The following ZNF536 variants were observed in gnomAD, a reference collection of about 807,000 sequenced individuals.
The protein encoded by ZNF536 is zinc finger protein 536.
Under a neutral mutation model 84.5 loss-of-function variants are expected in ZNF536, and 13 were observed. That is an observed-to-expected ratio of 0.15 (90% CI 0.10 to 0.24). ZNF536 has a LOEUF of 0.24. ZNF536 is among the 10% of genes least tolerant of loss of function. ZNF536 has a pLI of 1.00. For synonymous variants in ZNF536, 811 were observed against 742.5 expected (o/e 1.09, Z -1.50); for missense variants, 1,536 against 1,747.5 (o/e 0.88, Z 2.16).
intron 1 of ZNF536, among the ~76,000 whole-genome samples, chr19:30,433,987 C>G (rs78749387): frequency 0.011 from 1,733 of 151,024 alleles, 12 homozygotes; most frequent in Non-Finnish European, 0.016. Context: ...CCCCTGTGCC[C>G]TCTCAAAATC....
intron 2 of ZNF536, among the ~76,000 whole-genome samples, chr19:30,498,952 C>G (rs888032204): frequency 6.6e-6 from 1 of 152,110 alleles, no homozygotes; most frequent in Admixed American, 6.5e-5. Context: ...ACTGCTGTTT[C>G]CATTTGAGCC....
At chr19:30,455,568 G>A (rs1343634937) in intron 2 of ZNF536, among the ~76,000 whole-genome samples, 1 of 152,112 alleles carries the variant, frequency 6.6e-6, no homozygotes, top group Non-Finnish European at 1.5e-5. Flanking sequence ...CAGAGCGGTG[G>A]CATATGCCTG....
chr19:30,357,208 G>GC (rs973212172), intron 3 of ZNF536, among the ~76,000 whole-genome samples: 3 of 152,340 alleles, frequency 2.0e-5, no homozygotes, highest in Non-Finnish European at 2.9e-5. Flanking sequence ...GTCAGGGGAG[G>GC]CCCCCCTAAG....
intron 1 of ZNF536, among the ~76,000 whole-genome samples, chr19:30,676,047 G>C (rs901668750): frequency 6.6e-6 from 1 of 151,932 alleles, no homozygotes; most frequent in Non-Finnish European, 1.5e-5. Flanking sequence ...TTTTAATAGA[G>C]ATGGGGTCTC....
chr19:30,587,567 G>T lies in ZNF536; in HGVS notation c.169+38053G>T, dbSNP rs1004329135. On this transcript the variant is annotated intron_variant, in intron 1 of 1. Transcript: ENST00000592773. ...CAATACTGAAGGGCCTGGTTAGACT[G>T]TCCTGGGCAGCCTGCTCCAGCATGC... Among the ~76,000 whole-genome samples, 9 of 152,318 alleles carry T rather than the reference G, an allele frequency of 5.9e-5. No individual in the cohort carries two copies. In the South Asian group the frequency reaches 1.9e-3, roughly 32 times the overall value.
intron 2 of ZNF536, among the ~76,000 whole-genome samples, chr19:30,502,557 G>A (rs982712158): frequency 6.6e-5 from 10 of 152,224 alleles, no homozygotes; most frequent in Non-Finnish European, 1.0e-4. Context: ...ATGGGAGGGC[G>A]TTACCCTAAG....
intron 2 of ZNF536, among the ~76,000 whole-genome samples, chr19:30,454,515 TA>T (rs1372829460): frequency 6.6e-6 from 1 of 152,260 alleles, no homozygotes; most frequent in Non-Finnish European, 1.5e-5. Flanking sequence ...TATTGCTAAA[TA>T]TGTATATTTT....
intron 2 of ZNF536, among the ~76,000 whole-genome samples, chr19:30,498,137 G>A (rs1249247036): frequency 6.6e-6 from 1 of 152,152 alleles, no homozygotes; most frequent in Non-Finnish European, 1.5e-5. Context: ...ATACATGTAT[G>A]TGTATGTTCA....
chr19:30,379,008 C>T (rs952272575), intron 1 of ZNF536, among the ~76,000 whole-genome samples: 3 of 152,140 alleles, frequency 2.0e-5, no homozygotes, highest in South Asian at 2.1e-4. Context: ...GGTGATAGCT[C>T]CAGCCCTGTC....
chr19:30,611,287 T>C (rs575780587), intron 1 of ZNF536, among the ~76,000 whole-genome samples: 1 of 152,184 alleles, frequency 6.6e-6, no homozygotes, highest in South Asian at 2.1e-4. Context: ...AGTGGCAACA[T>C]ATGTGGCCAC....
intron 3 of ZNF536, among the ~76,000 whole-genome samples, chr19:30,544,835 C>G (rs146924412): frequency 1.3e-5 from 2 of 152,180 alleles, no homozygotes; most frequent in Non-Finnish European, 2.9e-5. Context: ...TGAGACCCCA[C>G]AGAACATGTG....
At chr19:30,562,630 T>C (rs1466996602), downstream of ZNF536, among the ~76,000 whole-genome samples, 1 of 152,162 alleles carries the variant, frequency 6.6e-6, no homozygotes, top group Non-Finnish European at 1.5e-5. Context: ...CTTTGAGTGC[T>C]TTACAGATAC....
chr19:30,684,116 T>G (rs1011387371), intron 1 of ZNF536, among the ~76,000 whole-genome samples: 6 of 152,064 alleles, frequency 3.9e-5, no homozygotes, highest in Non-Finnish European at 8.8e-5. Context: ...ATGACTCACA[T>G]GTACACACAC....
At chr19:30,378,555 G>T (rs147677678) in intron 1 of ZNF536, among the ~76,000 whole-genome samples, 5 of 152,198 alleles carry the variant, frequency 3.3e-5, no homozygotes, top group African/African-American at 9.7e-5. Context: ...ACATGCTAGT[G>T]GTGCTGAATC....
In ZNF536 at chr19:30,339,400, G is replaced by C. The variant is rs548879562; in HGVS notation, c.-119-12968G>C. ...TGTGGAGCAGCCACTGACCCCACCC[G>C]AGGAGCCTCTCACTCATCTGCTGGG... On this transcript the variant is annotated intron_variant, in intron 2 of 5. Transcript: ENST00000585628. Among the ~76,000 whole-genome samples the C allele has an allele frequency of 1.1e-4, 17 of 152,308 alleles. No individual in the cohort carries two copies. In the South Asian group the frequency reaches 3.3e-3, roughly 30 times the overall value.
intron 1 of ZNF536, among the ~76,000 whole-genome samples, chr19:30,635,798 T>A (rs1232910545): frequency 1.3e-5 from 2 of 152,222 alleles, no homozygotes; most frequent in Admixed American, 1.3e-4. Context: ...CATACACAGA[T>A]CCATACGCTG....
At chr19:30,694,547 T>C (rs1490131213) in intron 1 of ZNF536, among the ~76,000 whole-genome samples, 1 of 152,182 alleles carries the variant, frequency 6.6e-6, no homozygotes, top group Non-Finnish European at 1.5e-5. Context: ...CGGGAATAAG[T>C]GGGACCCAGC....
chr19:30,332,809 G>T (rs1300621708), intron 2 of ZNF536, among the ~76,000 whole-genome samples: 1 of 152,182 alleles, frequency 6.6e-6, no homozygotes, highest in African/African-American at 2.4e-5. Context: ...GCCCTGGTGT[G>T]GTGCCTCATG....
chr19:30,499,401 GTATC>G (rs747790028), intron 2 of ZNF536, among the ~76,000 whole-genome samples: 2 of 151,812 alleles, frequency 1.3e-5, no homozygotes, highest in Admixed American at 6.6e-5. Context: ...ATGTATGTAT[GTATC>G]TATCTGTGTT....
Sources: gnomAD v4.1 joint callset for allele counts (sites outside exome capture counted in the v4.1 genomes callset) on GRCh38, gnomAD v4.1.1 for gene constraint, MANE v1.5 for transcripts, NCBI Gene and HGNC (gene_info 2026-07-23, HGNC 2026-07-21) for gene names.